PDE7B: variants seen among roughly 807,000 people sequenced by gnomAD.
PDE7B encodes phosphodiesterase 7B, also known as 3',5'-cyclic-AMP phosphodiesterase 7B.
A neutral mutation model predicts 56.2 loss-of-function variants in PDE7B; 29 were observed. The observed-to-expected ratio is 0.52, with a 90% CI of 0.38 to 0.70. The LOEUF (loss-of-function observed/expected upper bound fraction) is 0.70. Ranked by LOEUF, PDE7B falls within the 30% of genes least tolerant of loss-of-function variation. The probability of loss-of-function intolerance (pLI) is 0.00; values close to 1 mark genes in which losing one functional copy is unlikely to be tolerated. For missense variants in PDE7B, 490 were observed against 565.0 expected, an observed-to-expected ratio of 0.87 and a Z score of 1.35; for synonymous variants, 197 against 196.9, an observed-to-expected ratio of 1.00 and a Z score of 0.00.
chr6:136,078,033 G>A (rs1425459546), intron 2 of PDE7B, among the ~76,000 whole-genome samples: 3 of 152,246 alleles, frequency 2.0e-5, no homozygotes, highest in South Asian at 2.1e-4. Flanking sequence ...TAAATCTAGC[G>A]CCAAGCCACA....
chr6:135,928,439 ATATATATATTTATT>A lies in PDE7B; in HGVS notation c.22-19015_22-19002del, dbSNP rs1251235305. On this transcript the variant is annotated intron_variant, in intron 1 of 12. Coordinates refer to ENST00000308191, the MANE Select transcript of PDE7B (RefSeq NM_018945.4). ...ATAAAGAAAATGTGATTATATATAT[ATATATATATTTATT>A]TATATATATATTTATTTATATATAT... Among the ~76,000 whole-genome samples the A allele has an allele frequency of 7.2e-3, 791 of 109,396 alleles. 21 individuals are homozygous for A. The highest frequency in any genetic ancestry group is 0.023 in the African/African-American group (722 of 31,142). 71.8% of individuals were successfully genotyped at this position (109,396 alleles called of 152,430 possible). A position where few individuals can be genotyped will look rare whatever the true frequency, so the allele number is the denominator to read the frequency against.
chr6:136,025,620 A>G (rs1776138378), intron 2 of PDE7B, among the ~76,000 whole-genome samples: 1 of 152,212 alleles, frequency 6.6e-6, no homozygotes, highest in Non-Finnish European at 1.5e-5. Flanking sequence ...CTTTGAAAAG[A>G]AGGAGCTATA....
At position 135,851,786 on chromosome 6, in the gene PDE7B, CTCTT is replaced by C. The variant is rs1774944756; in HGVS notation, c.-209_-206del. 47 of 547,160 alleles carry C rather than the reference CTCTT, an allele frequency of 8.6e-5. No homozygotes were observed. The South Asian group carries it at 1.1e-3, about 13-fold the overall frequency. 33.9% of individuals were successfully genotyped at this position (547,160 alleles called of 1,614,324 possible). ...GGTGTTACTCACCCAGGGAGAGTCT[CTCTT>C]TCTACCTTCCTTCTTTCTCGATCTC... is the stretch of plus-strand genomic sequence containing the variant. On this transcript the variant is annotated 5_prime_UTR_variant, in exon 1 of 13. Transcript: ENST00000308191.
At chr6:136,056,954 T>C (rs1186563601) in intron 2 of PDE7B, among the ~76,000 whole-genome samples, 2 of 152,222 alleles carry the variant, frequency 1.3e-5, no homozygotes, top group East Asian at 3.9e-4. Context: ...GGCATACTTC[T>C]CTTTAATTCA....
chr6:136,096,356 C>T (rs1777470918), intron 2 of PDE7B: 1 of 152,142 alleles, frequency 6.6e-6, no homozygotes, highest in Non-Finnish European at 1.5e-5. Context: ...AAATGCTTCT[C>T]TCAAATTATT....
At chr6:136,056,333 C>T (rs535866763) in intron 2 of PDE7B, among the ~76,000 whole-genome samples, 5 of 152,182 alleles carry the variant, frequency 3.3e-5, no homozygotes, top group Middle Eastern at 3.4e-3. Flanking sequence ...TTATTTATAA[C>T]GGTGATATGA....
At chr6:135,964,088 C>A (rs953647931) in intron 2 of PDE7B, among the ~76,000 whole-genome samples, 6 of 151,554 alleles carry the variant, frequency 4.0e-5, no homozygotes, top group African/African-American at 1.5e-4. Flanking sequence ...ACATAAAAAG[C>A]TTTTTCTGGG....
At chr6:136,055,094 A>T (rs1332478231) in intron 2 of PDE7B, among the ~76,000 whole-genome samples, 2 of 152,210 alleles carry the variant, frequency 1.3e-5, no homozygotes, top group Non-Finnish European at 2.9e-5. Flanking sequence ...ATCTCTACAT[A>T]TGTGTATAGA....
At chr6:136,014,129 G>C (rs1775936507) in intron 2 of PDE7B, among the ~76,000 whole-genome samples, 1 of 152,024 alleles carries the variant, frequency 6.6e-6, no homozygotes, top group Non-Finnish European at 1.5e-5. Flanking sequence ...CCCCTTTCAA[G>C]TTAGTTTTTT....
intron 2 of PDE7B, chr6:136,038,243 A>G (rs1425512456): frequency 2.3e-6 from 3 of 1,300,760 alleles, no homozygotes; most frequent in Non-Finnish European, 3.0e-6. Context: ...CAGCAGCAGC[A>G]GCAGCACCAC....
At chr6:136,046,575 G>A (rs943271267) in intron 2 of PDE7B, among the ~76,000 whole-genome samples, 5 of 152,206 alleles carry the variant, frequency 3.3e-5, no homozygotes, top group African/African-American at 1.2e-4. Context: ...CAACCTCAGA[G>A]GGAGAAGCAA....
chr6:136,003,142 T>C lies in PDE7B; in HGVS notation c.82+55618T>C, dbSNP rs192539051. Among the ~76,000 whole-genome samples, 1,087 of 152,238 alleles carry C rather than the reference T, an allele frequency of 7.1e-3. 20 individuals carry two copies. Among genetic ancestry groups the C allele is most frequent in the African/African-American group, 0.024 (1,005 of 41,528 alleles). ...AATGAAGGTAGAAATAAAGATGTCC[T>C]TTGAAACCAACGAGAACAAAGACAC... is the stretch of plus-strand genomic sequence containing the variant. On this transcript the variant is annotated intron_variant, in intron 2 of 12. Coordinates refer to ENST00000308191, the MANE Select transcript of PDE7B (RefSeq NM_018945.4).
At chr6:135,953,318 C>G (rs1774734403) in intron 2 of PDE7B, among the ~76,000 whole-genome samples, 1 of 152,066 alleles carries the variant, frequency 6.6e-6, no homozygotes, top group Non-Finnish European at 1.5e-5. Flanking sequence ...AATACACAAT[C>G]TGTTTTAAGG....
At chr6:135,928,473 A>ATATT (rs1774233736) in intron 1 of PDE7B, among the ~76,000 whole-genome samples, 2 of 114,480 alleles carry the variant, frequency 1.7e-5, no homozygotes, top group African/African-American at 3.1e-5. Flanking sequence ...ATTTATTTAT[A>ATATT]TATATATATT....
chr6:136,125,419 T>A (rs1463716044), intron 3 of PDE7B, among the ~76,000 whole-genome samples: 1 of 151,868 alleles, frequency 6.6e-6, no homozygotes. Flanking sequence ...AAAAAATTAG[T>A]CAGGCATGGT....
chr6:136,146,723 T>A lies in PDE7B; in HGVS notation c.167-628T>A, dbSNP rs1052871682. Among the ~76,000 whole-genome samples the A allele has an allele frequency of 2.6e-5, 4 of 152,318 alleles. No homozygotes were observed. In the East Asian group the frequency reaches 7.7e-4, roughly 29 times the overall value. ...CAATTCTGCTGTAGTAGAAAAAGAATAACTGCTCATTTCAAATGCAGGCAG... is the reference window on the plus strand; with the variant it reads ...CAATTCTGCTGTAGTAGAAAAAGAAAAACTGCTCATTTCAAATGCAGGCAG... On this transcript the variant is annotated intron_variant, in intron 3 of 12. Coordinates refer to ENST00000308191, the MANE Select transcript of PDE7B (RefSeq NM_018945.4).
chr6:136,153,875 G>A (rs776169703), intron 6 of PDE7B, among the ~76,000 whole-genome samples, 200 bp from the exon 7 acceptor site: 1 of 152,124 alleles, frequency 6.6e-6, no homozygotes, highest in Non-Finnish European at 1.5e-5. Flanking sequence ...TCTCCCCTCT[G>A]CTGTCCATCT....
intron 2 of PDE7B, among the ~76,000 whole-genome samples, chr6:135,999,432 A>T (rs147928437): frequency 6.1e-4 from 93 of 151,994 alleles, no homozygotes; most frequent in Non-Finnish European, 1.1e-3. Context: ...TCCACCCTCA[A>T]GTAGGCCCCA....
intron 2 of PDE7B, among the ~76,000 whole-genome samples, chr6:135,968,773 C>T (rs1403433808): frequency 6.6e-6 from 1 of 152,138 alleles, no homozygotes; most frequent in Non-Finnish European, 1.5e-5. Context: ...TTTGACCCAG[C>T]AATCCCATTA....
Sources: gnomAD v4.1 joint callset for allele counts (sites outside exome capture counted in the v4.1 genomes callset) on GRCh38, gnomAD v4.1.1 for gene constraint, MANE v1.5 for transcripts, NCBI Gene and HGNC (gene_info 2026-07-23, HGNC 2026-07-21) for gene names.